SMOC1: variants seen among roughly 807,000 people sequenced by gnomAD.
SMOC1 encodes the protein SPARC related modular calcium binding 1.
Under a neutral mutation model 56.3 loss-of-function variants are expected in SMOC1, and 22 were observed. The observed-to-expected ratio is 0.39, with a 90% CI of 0.28 to 0.56. SMOC1 has a LOEUF of 0.56. SMOC1 is among the 20% of genes least tolerant of loss of function. The pLI, the probability that SMOC1 is intolerant of heterozygous loss-of-function variation, is 0.61. For missense variants in SMOC1, 509 were observed against 565.4 expected (o/e 0.90, Z 1.01); for synonymous variants, 193 against 215.0 (o/e 0.90, Z 0.89).
intron 3 of SMOC1, among the ~76,000 whole-genome samples, chr14:69,973,494 T>C (rs1883849439): frequency 6.6e-6 from 1 of 152,194 alleles, no homozygotes; most frequent in African/African-American, 2.4e-5. Flanking sequence ...AGTGTTGACG[T>C]GACCCCAAGA....
At chr14:69,925,055 AGG>A in intron 1 of SMOC1, among the ~76,000 whole-genome samples, 1 of 2,324 alleles carries the variant, frequency 4.3e-4, no homozygotes, top group East Asian at 0.042. Context: ...GAGGGGAGGT[AGG>A]GGAGGAGTGA....
At chr14:70,019,775 G>A (rs1885643772) in intron 10 of SMOC1, among the ~76,000 whole-genome samples, 2 of 152,168 alleles carry the variant, frequency 1.3e-5, no homozygotes, top group Non-Finnish European at 2.9e-5. Flanking sequence ...CACTCCCCCA[G>A]GAAAAATCTC....
At chr14:69,899,605 A>T (rs961193895) in intron 1 of SMOC1, among the ~76,000 whole-genome samples, 7 of 152,204 alleles carry the variant, frequency 4.6e-5, no homozygotes, top group Non-Finnish European at 7.3e-5. Context: ...ATCCCCAGGC[A>T]TTTCCTTATA....
intron 7 of SMOC1, among the ~76,000 whole-genome samples, chr14:69,997,062 C>A (rs1398283033): frequency 2.0e-5 from 3 of 152,180 alleles, no homozygotes; most frequent in African/African-American, 7.2e-5. Context: ...TATTTATTAT[C>A]TGACCCTTTA....
intron 5 of SMOC1, among the ~76,000 whole-genome samples, chr14:69,987,543 A>C (rs576445786): frequency 6.6e-6 from 1 of 152,336 alleles, no homozygotes; most frequent in East Asian, 1.9e-4. Flanking sequence ...TGGACTTGCC[A>C]GCCCCTTGAA....
At chr14:69,929,934 C>G (rs753490659) in intron 1 of SMOC1, among the ~76,000 whole-genome samples, 5 of 152,102 alleles carry the variant, frequency 3.3e-5, no homozygotes, top group Admixed American at 6.5e-5. Context: ...TAGGATCAGT[C>G]TCTTTTCTGG....
At chr14:70,029,462 G>C (rs1037442823) in intron 11 of SMOC1, among the ~76,000 whole-genome samples, 2 of 152,212 alleles carry the variant, frequency 1.3e-5, no homozygotes, top group African/African-American at 4.8e-5. Context: ...TTATGGAAAA[G>C]GGACTTTGTG....
intron 11 of SMOC1, among the ~76,000 whole-genome samples, chr14:70,024,726 G>A (rs781428869): frequency 1.2e-4 from 19 of 152,232 alleles, no homozygotes; most frequent in Non-Finnish European, 2.4e-4. Flanking sequence ...AGCAGGGGTG[G>A]TGACAAGAGG....
At chr14:69,893,465 G>A (rs1250994300) in intron 1 of SMOC1, among the ~76,000 whole-genome samples, 4 of 152,146 alleles carry the variant, frequency 2.6e-5, no homozygotes, top group African/African-American at 9.7e-5. Flanking sequence ...GCTCTGAGGG[G>A]GAAACTATGC....
Position 70,010,741 on chromosome 14 carries a change from T to G in SMOC1, c.665-13T>G, listed in dbSNP as rs770959237. 6.2e-7 allele frequency: 1 copy of G among 1,612,732 alleles called. No homozygotes were observed. Among genetic ancestry groups the G allele is most frequent in the South Asian group, 1.1e-5 (1 of 91,046 alleles). ...GGAGTGATAGTCACCACAGGCTGTG[T>G]CTTCTCTTGCAGAGAAAGTCTATTC... On this transcript the variant is annotated splice_polypyrimidine_tract_variant and intron_variant, in intron 7 of 11. Coordinates refer to ENST00000361956, the MANE Select transcript of SMOC1 (RefSeq NM_001034852.3).
chr14:69,929,965 A>G (rs988355062), intron 1 of SMOC1, among the ~76,000 whole-genome samples: 4 of 152,156 alleles, frequency 2.6e-5, no homozygotes, highest in African/African-American at 9.7e-5. Flanking sequence ...AGGGTCTGGT[A>G]CAGGACTTGA....
At chr14:69,894,693 G>A (rs4899320) in intron 1 of SMOC1, among the ~76,000 whole-genome samples, 144,222 of 152,282 alleles carry the variant, frequency 0.95, 68,790 homozygotes, top group South Asian at 1. Flanking sequence ...GTCAGAGCCC[G>A]GAGAGGGGGC....
At chr14:69,885,622 T>G (rs878917861) in intron 1 of SMOC1, 2 of 1,493,026 alleles carry the variant, frequency 1.3e-6, no homozygotes, top group African/African-American at 1.4e-5. Flanking sequence ...TTTTACGACA[T>G]AGGGCAGGCA....
intron 3 of SMOC1, among the ~76,000 whole-genome samples, chr14:69,963,972 G>A (rs539224399): frequency 2.6e-5 from 4 of 152,300 alleles, no homozygotes; most frequent in African/African-American, 9.6e-5. Context: ...GGTGGATGGA[G>A]CACGCTTTGT....
intron 5 of SMOC1, 110 bp from the exon 6 acceptor site, chr14:69,992,307 A>T: frequency 1.0e-6 from 1 of 958,878 alleles, no homozygotes; most frequent in Non-Finnish European, 1.7e-6. Flanking sequence ...CTTCACTGGG[A>T]CTTGGCCGGG....
At chr14:69,957,213 G>A (rs1883219714) in intron 3 of SMOC1, among the ~76,000 whole-genome samples, 1 of 152,244 alleles carries the variant, frequency 6.6e-6, no homozygotes, top group South Asian at 2.1e-4. Flanking sequence ...GTGTTGGGCT[G>A]TCACCATCAG....
intron 1 of SMOC1, among the ~76,000 whole-genome samples, chr14:69,897,048 C>T (rs2139317258): frequency 6.6e-6 from 1 of 152,312 alleles, no homozygotes; most frequent in African/African-American, 2.4e-5. Flanking sequence ...TTTCTGGGAT[C>T]AGGGGTCAGG....
intron 7 of SMOC1, among the ~76,000 whole-genome samples, chr14:70,001,217 G>T (rs530954621): frequency 6.6e-6 from 1 of 152,236 alleles, no homozygotes; most frequent in East Asian, 1.9e-4. Flanking sequence ...GAGTCATCTA[G>T]CATTGCCGCT....
chr14:69,958,217 C>T (rs1407028340), intron 3 of SMOC1, among the ~76,000 whole-genome samples: 1 of 152,116 alleles, frequency 6.6e-6, no homozygotes, highest in African/African-American at 2.4e-5. Context: ...TCTATGATTG[C>T]ACCTGTGAAT....
Sources: allele counts gnomAD v4.1 joint callset (sites outside exome capture counted in the v4.1 genomes callset), GRCh38; gene constraint gnomAD v4.1.1; transcripts MANE v1.5; gene names NCBI Gene and HGNC (gene_info 2026-07-23, HGNC 2026-07-21).